The following NBEA variants were observed in gnomAD, a reference collection of about 807,000 sequenced individuals.
NBEA encodes neurobeachin, also known as lysosomal-trafficking regulator 2.
In NBEA, 44 loss-of-function variants were observed where a neutral mutation model predicts 343.4. That is an observed-to-expected ratio of 0.13 (90% CI 0.10 to 0.16). The LOEUF (loss-of-function observed/expected upper bound fraction) is 0.16, where lower values mean the gene tolerates loss of function less well. Ranked by LOEUF, NBEA falls within the 10% of genes least tolerant of loss-of-function variation. The pLI, the probability that NBEA is intolerant of heterozygous loss-of-function variation, is 1.00. For synonymous variants in NBEA, 1,175 were observed against 1,238.7 expected (o/e 0.95, Z 1.08); for missense variants, 2,555 against 3,631.3 (o/e 0.70, Z 7.62).
At chr13:35,355,038 C>A (rs2040414725) in intron 38 of NBEA, among the ~76,000 whole-genome samples, 1 of 152,100 alleles carries the variant, frequency 6.6e-6, no homozygotes, top group African/African-American at 2.4e-5. Flanking sequence ...ATAAATGTTG[C>A]TCTGTCCTTG....
chr13:35,395,275 T>G (rs569589036), intron 38 of NBEA, among the ~76,000 whole-genome samples: 1 of 152,010 alleles, frequency 6.6e-6, no homozygotes, highest in East Asian at 1.9e-4. Context: ...TGGGAGGTAA[T>G]TGGATCACAG....
intron 36 of NBEA, 32 bp from the exon 37 acceptor site, chr13:35,349,076 A>C: frequency 7.8e-7 from 1 of 1,276,230 alleles, no homozygotes; most frequent in Non-Finnish European, 1.1e-6. Flanking sequence ...AGCTATTAAG[A>C]ATAATATTTC....
At chr13:35,183,902 C>A in intron 29 of NBEA, 74 bp from the exon 30 acceptor site, 1 of 1,030,670 alleles carries the variant, frequency 9.7e-7, no homozygotes, top group Non-Finnish European at 1.5e-6. Flanking sequence ...ACAGAATTGT[C>A]ATGGATCTTC....
At chr13:35,380,371 G>A (rs903501409) in intron 38 of NBEA, among the ~76,000 whole-genome samples, 6 of 152,032 alleles carry the variant, frequency 3.9e-5, no homozygotes, top group Non-Finnish European at 7.4e-5. Flanking sequence ...CTTGAACTTG[G>A]GAGGCCGAGG....
intron 44 of NBEA, among the ~76,000 whole-genome samples, chr13:35,560,815 G>A (rs2079824608): frequency 6.6e-6 from 1 of 152,140 alleles, no homozygotes; most frequent in Non-Finnish European, 1.5e-5. Flanking sequence ...TCTTCGAGAT[G>A]GACATAGCTG....
At chr13:35,498,095 A>C (rs550759261) in intron 41 of NBEA, among the ~76,000 whole-genome samples, 2 of 152,056 alleles carry the variant, frequency 1.3e-5, no homozygotes, top group African/African-American at 2.4e-5. Flanking sequence ...TTCATAAAGG[A>C]AATGCATTGG....
chr13:35,248,195 G>T (rs563833992), intron 34 of NBEA, among the ~76,000 whole-genome samples: 28 of 152,084 alleles, frequency 1.8e-4, no homozygotes, highest in Non-Finnish European at 5.9e-5. Context: ...GAATATTAAT[G>T]CAAAAATCTT....
intron 26 of NBEA, 131 bp from the exon 27 acceptor site, chr13:35,173,333 T>C (rs1426875397): frequency 1.4e-6 from 1 of 725,822 alleles, no homozygotes; most frequent in Non-Finnish European, 2.1e-6. Flanking sequence ...ATTATTGATC[T>C]AGTTGATTTT....
chr13:35,443,434 T>C (rs1254633462), intron 39 of NBEA, among the ~76,000 whole-genome samples: 1 of 152,006 alleles, frequency 6.6e-6, no homozygotes, highest in South Asian at 2.1e-4. Flanking sequence ...ATAGATAATA[T>C]CTATTTTGGA....
intron 49 of NBEA, among the ~76,000 whole-genome samples, chr13:35,629,771 T>C (rs756448575): frequency 2.0e-5 from 3 of 152,246 alleles, no homozygotes; most frequent in African/African-American, 4.8e-5. Context: ...TAGTCTCAAC[T>C]GTACACCCTT....
intron 8 of NBEA, among the ~76,000 whole-genome samples, chr13:35,068,539 A>G (rs1223901864): frequency 6.6e-6 from 1 of 152,166 alleles, no homozygotes; most frequent in African/African-American, 2.4e-5. Context: ...GTTCTTAAGC[A>G]TTCTAGTGAT....
At chr13:35,541,037 A>G (rs1210491306) in intron 41 of NBEA, among the ~76,000 whole-genome samples, 5 of 152,128 alleles carry the variant, frequency 3.3e-5, no homozygotes, top group South Asian at 2.1e-4. Flanking sequence ...GCAGCTCTCC[A>G]TTATTCTCAG....
At chr13:35,275,614 G>A (rs1314193582) in intron 34 of NBEA, among the ~76,000 whole-genome samples, 1 of 152,072 alleles carries the variant, frequency 6.6e-6, no homozygotes, top group Non-Finnish European at 1.5e-5. Flanking sequence ...ATCTGACAAA[G>A]GGCTAATATC....
chr13:35,068,980 A>C (rs1426862293), intron 8 of NBEA, among the ~76,000 whole-genome samples: 1 of 152,140 alleles, frequency 6.6e-6, no homozygotes, highest in South Asian at 2.1e-4. Context: ...AGTTTGGGAC[A>C]TTTAATTTAA....
chr13:35,050,504 T>C (rs1380524528), intron 6 of NBEA, 109 bp downstream of exon 6: 4 of 1,142,802 alleles, frequency 3.5e-6, no homozygotes, highest in Non-Finnish European at 4.8e-6. Flanking sequence ...ATGCTTTTAA[T>C]TGTTTTCTCT....
chr13:35,247,636 T>C (rs2031403136), intron 34 of NBEA, among the ~76,000 whole-genome samples: 1 of 152,138 alleles, frequency 6.6e-6, no homozygotes. Context: ...GTGTTTGGGC[T>C]GTCTCCCAGG....
chr13:35,206,426 G>A (rs759966092), intron 31 of NBEA, among the ~76,000 whole-genome samples: 24 of 152,056 alleles, frequency 1.6e-4, no homozygotes, highest in Non-Finnish European at 3.2e-4. Flanking sequence ...AGAAAAAAGA[G>A]CATTATACTT....
intron 41 of NBEA, among the ~76,000 whole-genome samples, chr13:35,496,093 C>A (rs187257638): frequency 6.6e-6 from 1 of 151,936 alleles, no homozygotes; most frequent in Non-Finnish European, 1.5e-5. Context: ...AGTTACAGCA[C>A]AAAATAAGGA....
At chr13:35,287,054 C>T (rs1323553714) in intron 34 of NBEA, among the ~76,000 whole-genome samples, 2 of 152,062 alleles carry the variant, frequency 1.3e-5, no homozygotes, top group Non-Finnish European at 2.9e-5. Flanking sequence ...TTCAAAAGCA[C>T]TTAATGGACG....
Sources: gnomAD v4.1 joint callset for allele counts (sites outside exome capture counted in the v4.1 genomes callset) on GRCh38, gnomAD v4.1.1 for gene constraint, MANE v1.5 for transcripts, NCBI Gene and HGNC (gene_info 2026-07-23, HGNC 2026-07-21) for gene names.